The following INTS9 variants were observed in gnomAD, a reference collection of about 807,000 sequenced individuals.
INTS9 encodes the protein protein related to CPSF subunits of 74 kDa.
In INTS9, 55 loss-of-function variants were observed where a neutral mutation model predicts 79.7. The observed-to-expected ratio is 0.69, with a 90% confidence interval of 0.56 to 0.86. The LOEUF (loss-of-function observed/expected upper bound fraction) is 0.86, where lower values mean the gene tolerates loss of function less well. INTS9 is among the 40% of genes least tolerant of loss of function. The pLI, the probability that INTS9 is intolerant of heterozygous loss-of-function variation, is 0.00. For synonymous variants in INTS9, 319 were observed against 325.2 expected, an observed-to-expected ratio of 0.98 and a Z score of 0.20; for missense variants, 721 against 831.5, an observed-to-expected ratio of 0.87 and a Z score of 1.64.
chr8:28,770,072 G>T, intron 15 of INTS9, 46 bp from the exon 16 acceptor site: 1 of 1,600,490 alleles, frequency 6.2e-7, no homozygotes, highest in Non-Finnish European at 8.5e-7. Flanking sequence ...CCTCTGAGCA[G>T]CAGGGGCCAC....
intron 6 of INTS9, among the ~76,000 whole-genome samples, chr8:28,824,544 T>C (rs1226320159): frequency 1.3e-5 from 2 of 152,226 alleles, no homozygotes; most frequent in Non-Finnish European, 2.9e-5. Flanking sequence ...CTCTCAGATC[T>C]TGTGACCCCA....
chr8:28,789,344 T>C (rs1393397479), intron 10 of INTS9, among the ~76,000 whole-genome samples: 1 of 152,180 alleles, frequency 6.6e-6, no homozygotes, highest in Non-Finnish European at 1.5e-5. Flanking sequence ...CATACTCTGC[T>C]CTAGAATCCT....
At chr8:28,835,443 A>G in intron 5 of INTS9, 65 bp from the exon 6 acceptor site, 1 of 1,183,390 alleles carries the variant, frequency 8.5e-7, no homozygotes, top group Non-Finnish European at 1.2e-6. Flanking sequence ...CCATACTCTA[A>G]CAGTTGGCCA....
rs2131203626 is a variant in INTS9, at chr8:28,840,331, T to C, written c.262-2555A>G. ...GGATGTGGAGAAATAGGAACACTTTTACACTGTTGGTGGGACTGTAAACTA... is the reference window on the plus strand; with the variant it reads ...GGATGTGGAGAAATAGGAACACTTTCACACTGTTGGTGGGACTGTAAACTA... On this transcript the variant is annotated intron_variant, in intron 4 of 16. Coordinates refer to ENST00000521022, the MANE Select transcript of INTS9 (RefSeq NM_018250.4). Among the ~76,000 whole-genome samples, 4 of 149,290 alleles carry C rather than the reference T, an allele frequency of 2.7e-5. No homozygotes were observed. In the East Asian group the frequency reaches 6.0e-4, roughly 22 times the overall value.
chr8:28,857,231 G>C (rs1226679495), intron 2 of INTS9, among the ~76,000 whole-genome samples: 3 of 152,206 alleles, frequency 2.0e-5, no homozygotes, highest in Admixed American at 1.3e-4. Flanking sequence ...GAACACCGAA[G>C]ATGTCAATAC....
At chr8:28,827,739 C>A (rs550614261) in intron 6 of INTS9, among the ~76,000 whole-genome samples, 2 of 152,252 alleles carry the variant, frequency 1.3e-5, no homozygotes, top group Non-Finnish European at 2.9e-5. Context: ...GCTACCAAAG[C>A]ATGACAGGAA....
At chr8:28,851,405 G>A (rs1807825075) in intron 2 of INTS9, among the ~76,000 whole-genome samples, 1 of 151,836 alleles carries the variant, frequency 6.6e-6, no homozygotes, top group South Asian at 2.1e-4. Context: ...TGAGAATTGG[G>A]GGTGGGGTAA....
At chr8:28,777,493 C>T (rs750382157) in intron 13 of INTS9, among the ~76,000 whole-genome samples, 1 of 151,878 alleles carries the variant, frequency 6.6e-6, no homozygotes, top group African/African-American at 2.4e-5. Context: ...CCCAGTAACG[C>T]GTTTCATTTA....
At chr8:28,869,409 C>T (rs1808946439) in intron 1 of INTS9, among the ~76,000 whole-genome samples, 2 of 152,084 alleles carry the variant, frequency 1.3e-5, no homozygotes, top group Admixed American at 6.5e-5. Context: ...TTCTCTTCTC[C>T]AACACATCCA....
intron 1 of INTS9, among the ~76,000 whole-genome samples, chr8:28,885,449 T>TCA (rs1300679698): frequency 6.6e-6 from 1 of 152,200 alleles, no homozygotes; most frequent in Non-Finnish European, 1.5e-5. Context: ...TAATTCCATG[T>TCA]CACAGGGGTC....
intron 1 of INTS9, among the ~76,000 whole-genome samples, chr8:28,866,129 T>C (rs1808732802): frequency 6.6e-6 from 1 of 152,190 alleles, no homozygotes; most frequent in Admixed American, 6.5e-5. Context: ...GAAAACAGCA[T>C]CTTATTCTTT....
At chr8:28,806,759 T>C (rs1804840274) in intron 8 of INTS9, among the ~76,000 whole-genome samples, 1 of 152,158 alleles carries the variant, frequency 6.6e-6, no homozygotes, top group South Asian at 2.1e-4. Flanking sequence ...CAAACAATTA[T>C]ACTGTAAAAT....
intron 6 of INTS9, among the ~76,000 whole-genome samples, chr8:28,815,318 T>C (rs1376062520): frequency 1.3e-5 from 2 of 152,086 alleles, no homozygotes; most frequent in East Asian, 1.9e-4. Flanking sequence ...TTAAAAGTTA[T>C]ACAAACGTGA....
At position 28,771,095 on chromosome 8, in the gene INTS9, C is replaced by A; in HGVS notation, c.1564-15G>T. On this transcript the variant is annotated splice_polypyrimidine_tract_variant and intron_variant, in intron 14 of 16. Coordinates refer to ENST00000521022, the MANE Select transcript of INTS9 (RefSeq NM_018250.4). ...GAATCTGCGAGCTGAAAGCAAAGGG[C>A]GCAGTTCAGGCTGGGGGCCTTTAAT... 1.3e-6 allele frequency: 2 copies of A among 1,582,064 alleles called. No homozygotes were observed. Among genetic ancestry groups the A allele is most frequent in the Non-Finnish European group, 1.7e-6 (2 of 1,159,552 alleles).
chr8:28,812,531 G>C, intron 7 of INTS9, 70 bp from the exon 8 acceptor site: 1 of 1,507,458 alleles, frequency 6.6e-7, no homozygotes, highest in Non-Finnish European at 9.0e-7. Flanking sequence ...ATTCTGCAGG[G>C]AAAAACAACA....
intron 1 of INTS9, among the ~76,000 whole-genome samples, chr8:28,866,667 A>G (rs2131319665): frequency 6.6e-6 from 1 of 152,326 alleles, no homozygotes; most frequent in East Asian, 1.9e-4. Context: ...TTAAGGTTTC[A>G]GCAAATCTAA....
chr8:28,768,574 G>A (rs1338594525), intron 16 of INTS9, among the ~76,000 whole-genome samples: 5 of 152,208 alleles, frequency 3.3e-5, no homozygotes, highest in African/African-American at 4.8e-5. Context: ...TTGAGGGCAC[G>A]TCCAAGCACT....
intron 11 of INTS9, among the ~76,000 whole-genome samples, chr8:28,781,736 A>C (rs1444469805): frequency 6.6e-6 from 1 of 152,208 alleles, no homozygotes; most frequent in Admixed American, 6.5e-5. Context: ...AGGCAAAACT[A>C]TACAGATAGT....
chr8:28,784,911 A>T (rs1803491252), intron 11 of INTS9, among the ~76,000 whole-genome samples: 1 of 152,222 alleles, frequency 6.6e-6, no homozygotes, highest in African/African-American at 2.4e-5. Context: ...TTCCATTTCC[A>T]GATCCAGCCC....
Sources: allele counts gnomAD v4.1 joint callset (sites outside exome capture counted in the v4.1 genomes callset), GRCh38; gene constraint gnomAD v4.1.1; transcripts MANE v1.5; gene names NCBI Gene and HGNC (gene_info 2026-07-23, HGNC 2026-07-21).